The following TNFRSF8 variants were observed in gnomAD, a reference collection of about 807,000 sequenced individuals.
TNFRSF8 encodes the protein TNF receptor superfamily member 8.
A neutral mutation model predicts 70.8 loss-of-function variants in TNFRSF8; 26 were observed. That is an observed-to-expected ratio of 0.37 (90% confidence interval 0.27 to 0.51). The LOEUF is 0.51. Ranked by LOEUF, TNFRSF8 falls within the 20% of genes least tolerant of loss-of-function variation. The pLI, the probability that TNFRSF8 is intolerant of heterozygous loss-of-function variation, is 0.94. For synonymous variants in TNFRSF8, 356 were observed against 339.2 expected (o/e 1.05, Z -0.54); for missense variants, 720 against 807.9 (o/e 0.89, Z 1.32).
chr1:12,112,771 GC>G lies in TNFRSF8; in HGVS notation c.793+760del, dbSNP rs1641656207. Among the ~76,000 whole-genome samples, 3 of 152,162 alleles carry G rather than the reference GC, an allele frequency of 2.0e-5. No homozygotes were observed. Among genetic ancestry groups the G allele is most frequent in the Non-Finnish European group, 2.9e-5 (2 of 68,032 alleles). ...CAGGTGTGGGGCTTCCCTGTGCCCA[GC>G]CCATCACAACCTCCCAGCGCCAGCA... On this transcript the variant is annotated intron_variant, in intron 7 of 14. Coordinates refer to ENST00000263932, the MANE Select transcript of TNFRSF8 (RefSeq NM_001243.5). This position sits in a 1 kb window ranked among gnomAD's most constrained non-coding sequence, Gnocchi z 5.3.
chr1:12,104,100 G>T (rs11569847), intron 3 of TNFRSF8, among the ~76,000 whole-genome samples: 64 of 152,200 alleles, frequency 4.2e-4, no homozygotes, highest in African/African-American at 1.5e-3. Context: ...GAAATGTCAT[G>T]TAGTTGGAAT....
intron 11 of TNFRSF8, 38 bp downstream of exon 11, chr1:12,126,090 G>C: frequency 1.2e-6 from 2 of 1,612,200 alleles, no homozygotes; most frequent in Non-Finnish European, 1.7e-6. Flanking sequence ...GGGAGGACAG[G>C]TTGCTCTCTG....
At chr1:12,076,650 A>G (rs1408127034) in intron 1 of TNFRSF8, among the ~76,000 whole-genome samples, 1 of 152,142 alleles carries the variant, frequency 6.6e-6, no homozygotes, top group Non-Finnish European at 1.5e-5. Context: ...GAACTGGGGA[A>G]AACTCAACTC....
intron 1 of TNFRSF8, among the ~76,000 whole-genome samples, chr1:12,065,946 C>G (rs151222640): frequency 2.0e-5 from 3 of 152,294 alleles, no homozygotes; most frequent in African/African-American, 7.2e-5. Context: ...GGCGAAAATG[C>G]ATTCAAATTA....
intron 10 of TNFRSF8, among the ~76,000 whole-genome samples, chr1:12,125,730 T>C (rs1351765965): frequency 6.6e-6 from 1 of 152,218 alleles, no homozygotes; most frequent in Non-Finnish European, 1.5e-5. Context: ...TCTCACTCTC[T>C]AGACACAGTT....
At chr1:12,093,387 G>C (rs968312585) in intron 2 of TNFRSF8, among the ~76,000 whole-genome samples, 25 of 152,176 alleles carry the variant, frequency 1.6e-4, no homozygotes, top group Admixed American at 2.0e-4. Context: ...TGCCAGACTG[G>C]GAAGATGGAG....
chr1:12,116,905 G>T (rs1277063766), intron 8 of TNFRSF8, among the ~76,000 whole-genome samples: 1 of 152,110 alleles, frequency 6.6e-6, no homozygotes, highest in Non-Finnish European at 1.5e-5. Context: ...GAGAGGCTCT[G>T]GGCTTGGAAG....
At chr1:12,132,028 G>A (rs902000352) in intron 12 of TNFRSF8, among the ~76,000 whole-genome samples, 6 of 152,008 alleles carry the variant, frequency 3.9e-5, no homozygotes, top group Admixed American at 6.6e-5. Context: ...TCCTGGCATC[G>A]TGATTTGCCC....
At chr1:12,069,332 C>G (rs1640801303) in intron 1 of TNFRSF8, among the ~76,000 whole-genome samples, 1 of 151,912 alleles carries the variant, frequency 6.6e-6, no homozygotes, top group Admixed American at 6.6e-5. Context: ...GTGTGTGCCA[C>G]CACGCCTGGC....
At position 12,125,934 on chromosome 1, in the gene TNFRSF8, G is replaced by C. The variant is rs910814653; in HGVS notation, c.1154-17G>C. 25 of 1,607,500 alleles carry C rather than the reference G, an allele frequency of 1.6e-5. No homozygotes were observed. The highest frequency in any genetic ancestry group is 2.0e-5 in the Non-Finnish European group (24 of 1,174,174). On this transcript the variant is annotated splice_polypyrimidine_tract_variant and intron_variant, in intron 10 of 14. Transcript: ENST00000263932. ...GTTGCAGCAAGGCAAAGAGTGTGGG[G>C]CGTCTCTGTGTTCCAGGGCCAGTGC...
chr1:12,081,936 CCTCCCT>C (rs1641071079), intron 1 of TNFRSF8, among the ~76,000 whole-genome samples: 2 of 152,076 alleles, frequency 1.3e-5, no homozygotes, highest in Non-Finnish European at 2.9e-5. Context: ...TACAAGGCTT[CCTCCCT>C]GCCTCTTGCC....
At chr1:12,068,013 C>T (rs1344303163) in intron 1 of TNFRSF8, among the ~76,000 whole-genome samples, 2 of 151,818 alleles carry the variant, frequency 1.3e-5, no homozygotes, top group African/African-American at 4.8e-5. Context: ...GTCAGGGAGT[C>T]GTGTTACTCA....
intron 1 of TNFRSF8, among the ~76,000 whole-genome samples, chr1:12,069,170 CTTTTTTTTTTTTTTT>C (rs57009728): frequency 2.4e-4 from 13 of 53,548 alleles, no homozygotes; most frequent in African/African-American, 1.1e-3. Context: ...TGCACCCGGC[CTTTTTTTTTTTTTTT>C]TTTTTTTTTT....
chr1:12,130,890 T>G (rs1642035580), intron 12 of TNFRSF8, among the ~76,000 whole-genome samples: 1 of 152,256 alleles, frequency 6.6e-6, no homozygotes, highest in Non-Finnish European at 1.5e-5. Context: ...ATCTGACCTC[T>G]GTACTTGGCA....
chr1:12,075,685 G>A (rs993652716), intron 1 of TNFRSF8, among the ~76,000 whole-genome samples: 2 of 152,180 alleles, frequency 1.3e-5, no homozygotes, highest in African/African-American at 4.8e-5. Context: ...ATCACCCTAG[G>A]TCCTGGGGAC....
intron 3 of TNFRSF8, among the ~76,000 whole-genome samples, chr1:12,103,625 A>G (rs1180738565): frequency 1.3e-5 from 2 of 150,924 alleles, no homozygotes; most frequent in African/African-American, 4.9e-5. Context: ...ATGTGCTACC[A>G]TGCCTGGCTA....
In TNFRSF8 at chr1:12,088,410, C is replaced by T. The variant is rs148563787; in HGVS notation, c.151+3859C>T. The stretch of plus-strand genomic sequence containing the variant: ...TCAGGAATTTGCACAAGGCCACATG[C>T]GTATCAGTGGCTCAGCCGGGCCGTG... On this transcript the variant is annotated intron_variant, in intron 2 of 14. Coordinates refer to ENST00000263932, the MANE Select transcript of TNFRSF8 (RefSeq NM_001243.5). The surrounding 1 kb of genome is among the most constrained non-coding windows in gnomAD (Gnocchi z 4.0). 0.017 allele frequency among the ~76,000 whole-genome samples: 2,653 copies of T among 152,234 alleles called. 246 individuals carry two copies. The highest frequency in any genetic ancestry group is 0.15 in the Admixed American group (2,338 of 15,284).
At chr1:12,070,719 G>C (rs1053232304) in intron 1 of TNFRSF8, among the ~76,000 whole-genome samples, 1 of 152,204 alleles carries the variant, frequency 6.6e-6, no homozygotes, top group Non-Finnish European at 1.5e-5. Flanking sequence ...GTCCGTATTT[G>C]GGAGCTCAGA....
intron 8 of TNFRSF8, among the ~76,000 whole-genome samples, chr1:12,118,798 G>C (rs1029243327): frequency 6.6e-6 from 1 of 152,186 alleles, no homozygotes. Flanking sequence ...TGCCAGCAGA[G>C]GGCGCTAGAG....
Sources: gnomAD v4.1 joint callset for allele counts (sites outside exome capture counted in the v4.1 genomes callset) on GRCh38, gnomAD v4.1.1 for gene constraint, Gnocchi (gnomAD v3.1) non-coding constraint, MANE v1.5 for transcripts, NCBI Gene and HGNC (gene_info 2026-07-23, HGNC 2026-07-21) for gene names.